Variants in CHRNB4 observed in about 807,000 individuals in gnomAD.
CHRNB4 encodes neuronal acetylcholine receptor subunit beta-4.
A neutral mutation model predicts 40.4 loss-of-function variants in CHRNB4; 23 were observed. The observed-to-expected ratio is 0.57, with a 90% CI of 0.41 to 0.81. The LOEUF (loss-of-function observed/expected upper bound fraction) is 0.81, where lower values mean the gene tolerates loss of function less well. CHRNB4 is among the 30% of genes least tolerant of loss of function. The probability of loss-of-function intolerance (pLI) is 0.00; values close to 1 mark genes in which losing one functional copy is unlikely to be tolerated. For missense variants in CHRNB4, 568 were observed against 670.6 expected (o/e 0.85, Z 1.69); for synonymous variants, 285 against 274.4 (o/e 1.04, Z -0.38).
At chr15:78,634,835 C>T in intron 2 of CHRNB4, 1 of 453,254 alleles carries the variant, frequency 2.2e-6, no homozygotes, top group Non-Finnish European at 4.4e-6. Flanking sequence ...TTCCCAGGCA[C>T]CTCCTCCCTC....
chr15:78,651,597 G>T (rs2141409034), intron 6 of CHRNB4, among the ~76,000 whole-genome samples: 1 of 152,222 alleles, frequency 6.6e-6, no homozygotes, highest in African/African-American at 2.4e-5. Context: ...TGACTCTCCA[G>T]CTCCCTCCCC....
chr15:78,636,576 C>G (rs1438320917), intron 1 of CHRNB4, among the ~76,000 whole-genome samples: 1 of 152,082 alleles, frequency 6.6e-6, no homozygotes, highest in Non-Finnish European at 1.5e-5. Flanking sequence ...TTGCCTTTCC[C>G]CCTGTGACCT....
chr15:78,640,231 T>C (rs915566094), intron 1 of CHRNB4, among the ~76,000 whole-genome samples: 1 of 152,198 alleles, frequency 6.6e-6, no homozygotes, highest in Non-Finnish European at 1.5e-5. Context: ...TCCTCTAGGC[T>C]GACTGGGGCT....
At chr15:78,630,022 A>G in intron 4 of CHRNB4, 77 bp from the exon 5 acceptor site, 1 of 1,447,552 alleles carries the variant, frequency 6.9e-7, no homozygotes, top group Non-Finnish European at 9.1e-7. Flanking sequence ...CTCACTGAAG[A>G]GCCCTTTGGG....
At position 78,629,389 on chromosome 15, in the gene CHRNB4, C is replaced by T; in HGVS notation, c.916G>A (p.Val306Ile). The T allele has an allele frequency of 6.2e-7, 1 of 1,614,054 alleles. No individual in the cohort carries two copies. The highest frequency in any genetic ancestry group is 2.2e-5 in the East Asian group (1 of 44,874). The change falls in exon 5 of 6, where the codon GTC becomes ATC. Residue 306 changes from valine (V) to isoleucine (I), a missense_variant. Physicochemically the swap from Val to Ile is conservative, Grantham distance 29. Around this residue, in one of 4 missense-constraint regions of CHRNB4, gnomAD observed 242 missense variants for 274.9 expected, o/e 0.88. Transcript: ENST00000261751. The surrounding 1 kb of genome is among the most constrained non-coding windows in gnomAD (Gnocchi z 6.8). ...GKYLMFTMVL[V>I]TFSIVTSVCV... ...ACGCTGGTGACGATGGAGAAGGTGA[C>T]CAGCACCATGGTGAACATGAGGTAC...
chr15:78,625,195 G>A lies in CHRNB4; in HGVS notation c.1435C>T (p.Leu479=). Residue 479 remains leucine (L), a synonymous_variant, in exon 6 of 6, where the codon CTA becomes TTA. Coordinates refer to ENST00000261751, the MANE Select transcript of CHRNB4 (RefSeq NM_000750.5). ...VCVLGTVGLF[L]PPLFQTHAAS... is the part of the protein sequence containing the mutation. ...GCATGGGTCTGGAAGAGGGGCGGTA[G>A]GAAGAGCCCCACAGTGCCCAGGACG... The A allele has an allele frequency of 6.2e-7, 1 of 1,610,674 alleles. No homozygotes were observed. Among genetic ancestry groups the A allele is most frequent in the Non-Finnish European group, 8.5e-7 (1 of 1,178,416 alleles).
chr15:78,658,080 G>C (rs951517697), intron 2 of CHRNB4, among the ~76,000 whole-genome samples: 2 of 140,006 alleles, frequency 1.4e-5, no homozygotes, highest in African/African-American at 2.6e-5. Flanking sequence ...GCCCAGGCTG[G>C]AGTACAGTGG....
intron 2 of CHRNB4, among the ~76,000 whole-genome samples, chr15:78,632,229 C>CTTTCTTTCTTTCTTTTTT (rs2053843659): frequency 1.1e-5 from 1 of 87,020 alleles, no homozygotes; most frequent in African/African-American, 8.0e-5. Flanking sequence ...CTCTCTCTCT[C>CTTTCTTTCTTTCTTTTTT]TCTCTCTCTC....
chr15:78,636,405 C>G (rs1330416721), intron 1 of CHRNB4, among the ~76,000 whole-genome samples: 1 of 152,164 alleles, frequency 6.6e-6, no homozygotes, highest in Non-Finnish European at 1.5e-5. Context: ...ACCCACAACT[C>G]TCAGAGCTGT....
In CHRNB4 at chr15:78,649,546, T is replaced by A. The variant is rs1399663760; in HGVS notation, c.-15-107A>T. The A allele has an allele frequency of 5.2e-5, 17 of 329,576 alleles. No homozygotes were observed. The Admixed American group carries it at 7.5e-4, about 14-fold the overall frequency. 20.4% of individuals were successfully genotyped at this position (329,576 alleles called of 1,614,324 possible). On this transcript the variant is annotated intron_variant and NMD_transcript_variant, in intron 6 of 11. Coordinates refer to the CHRNB4 transcript ENST00000559849. ...GAGACCATATGTTGCCTGCAAAGCC[T>A]AAAATATCTGCTATATGGCTTTTTA...
intron 4 of CHRNB4, among the ~76,000 whole-genome samples, chr15:78,630,357 C>T (rs879371225): frequency 4.6e-5 from 7 of 152,006 alleles, no homozygotes; most frequent in Admixed American, 1.3e-4. Context: ...GGGCTGGTCT[C>T]GAACTCCTGA....
chr15:78,642,109 G>A (rs2054084109), upstream of CHRNB4, among the ~76,000 whole-genome samples: 1 of 152,236 alleles, frequency 6.6e-6, no homozygotes, highest in Admixed American at 6.5e-5. Context: ...TAAAAAGGCA[G>A]CTTTGCCACC....
At chr15:78,641,002 C>G (rs576457363) in intron 1 of CHRNB4, 77 bp downstream of exon 1, 4 of 1,442,714 alleles carry the variant, frequency 2.8e-6, no homozygotes, top group Non-Finnish European at 3.8e-6. Flanking sequence ...ACCCTCCCTT[C>G]CCTCCCACCT....
intron 4 of CHRNB4, chr15:78,630,863 A>G (rs546236315): frequency 5.3e-6 from 3 of 560,908 alleles, no homozygotes; most frequent in African/African-American, 1.9e-5. Flanking sequence ...TGAATCAGAC[A>G]AGGTCCCTCC....
chr15:78,629,914 T>C lies in CHRNB4; in HGVS notation c.391A>G (p.Thr131Ala), dbSNP rs983199253. The C allele has an allele frequency of 1.2e-6, 2 of 1,606,020 alleles. No homozygotes were observed. Among genetic ancestry groups the C allele is most frequent in the Admixed American group, 1.7e-5 (1 of 59,610 alleles). ...ADGTYEVSVYTNLIVRSNGSV... is the reference protein window; with the variant it reads ...ADGTYEVSVYANLIVRSNGSV... ...CCGTTGGACCGGACTATCAAGTTGG[T>C]GTAGACAGACACCTCATAGGTCCCG... The change falls in exon 5 of 6, where the codon ACC becomes GCC. Residue 131 changes from threonine (T) to alanine (A), a missense_variant. By Grantham distance (58) the Thr-to-Ala change is moderately conservative. Around this residue, in one of 4 missense-constraint regions of CHRNB4, gnomAD observed 127 missense variants for 167.4 expected, o/e 0.76. Coordinates refer to ENST00000261751, the MANE Select transcript of CHRNB4 (RefSeq NM_000750.5). The surrounding 1 kb of genome is among the most constrained non-coding windows in gnomAD (Gnocchi z 6.8).
chr15:78,631,008 G>T, intron 4 of CHRNB4, 68 bp downstream of exon 4: 2 of 1,252,136 alleles, frequency 1.6e-6, no homozygotes, highest in South Asian at 2.4e-5. Flanking sequence ...AGGCCTGGAT[G>T]ACTCTTAGGG....
intron 5 of CHRNB4, chr15:78,655,434 A>ATATATATCTATATATATC (rs1159835109): frequency 7.2e-6 from 1 of 139,358 alleles, no homozygotes; most frequent in African/African-American, 2.7e-5. Flanking sequence ...ATCTATATCT[A>ATATATATCTATATATATC]TATATATCTA....
chr15:78,660,313 T>C (rs1185178933), intron 1 of CHRNB4, among the ~76,000 whole-genome samples: 2 of 152,112 alleles, frequency 1.3e-5, no homozygotes, highest in Non-Finnish European at 2.9e-5. Context: ...GAGCAGTCCC[T>C]CTGCTGTTGC....
At position 78,629,656 on chromosome 15, in the gene CHRNB4, G is replaced by T. The variant is rs1482207707; in HGVS notation, c.649C>A (p.Pro217Thr). 1.2e-6 allele frequency: 2 copies of T among 1,613,976 alleles called. No homozygotes were observed. The highest frequency in any genetic ancestry group is 3.3e-5 in the Admixed American group (2 of 59,998). Residue 217 changes from proline (P) to threonine (T), a missense_variant, in exon 5 of 6, where the codon CCC becomes ACC. Pro to Thr is a conservative substitution (Grantham distance 38). Transcript: ENST00000261751. The surrounding 1 kb of genome is among the most constrained non-coding windows in gnomAD (Gnocchi z 6.8). ...TCGTAAGTCACGTCCACGTAGCTGG[G>T]GTCTTGTGGGTTCACTGTCCTTCTC... ...PGRRTVNPQD[P>T]SYVDVTYDFI...
Sources: allele counts gnomAD v4.1 joint callset (sites outside exome capture counted in the v4.1 genomes callset), GRCh38; gene constraint gnomAD v4.1.1; regional missense constraint gnomAD v4.1.1; non-coding constraint Gnocchi (gnomAD v3.1); transcripts MANE v1.5; gene names NCBI Gene and HGNC (gene_info 2026-07-23, HGNC 2026-07-21).